The following PDE1A variants were observed in gnomAD, a reference collection of about 807,000 sequenced individuals.
PDE1A encodes dual specificity calcium/calmodulin-dependent 3',5'-cyclic nucleotide phosphodiesterase 1A.
Under a neutral mutation model 61.7 loss-of-function variants are expected in PDE1A, and 35 were observed. That is an observed-to-expected ratio of 0.57 (90% CI 0.43 to 0.75). The LOEUF (loss-of-function observed/expected upper bound fraction) is 0.75, where lower values mean the gene tolerates loss of function less well. Among genes scored for constraint, PDE1A ranks in the 30% least tolerant of loss-of-function variants. The pLI is 0.00. For missense variants in PDE1A, 597 were observed against 630.6 expected (o/e 0.95, Z 0.57); for synonymous variants, 232 against 213.2 (o/e 1.09, Z -0.77).
At chr2:182,283,107 C>T (rs1693920294) in intron 1 of PDE1A, among the ~76,000 whole-genome samples, 1 of 151,902 alleles carries the variant, frequency 6.6e-6, no homozygotes, top group Non-Finnish European at 1.5e-5. Flanking sequence ...ATTTTCTTTT[C>T]AAATCTTAAA....
chr2:182,455,593 T>C (rs1685858492), intron 2 of PDE1A, among the ~76,000 whole-genome samples: 1 of 152,146 alleles, frequency 6.6e-6, no homozygotes, highest in Admixed American at 6.6e-5. Flanking sequence ...AATGAAGAGT[T>C]CATTTCCTTT....
chr2:182,652,213 C>T, the PDE1A span, among the ~76,000 whole-genome samples: 1 of 152,148 alleles, frequency 6.6e-6, no homozygotes, highest in Non-Finnish European at 1.5e-5. Context: ...CCAATGTTTT[C>T]TCCTCACATA....
intron 13 of PDE1A, among the ~76,000 whole-genome samples, chr2:182,175,312 C>T (rs1398342943): frequency 1.3e-5 from 2 of 152,160 alleles, no homozygotes; most frequent in Non-Finnish European, 2.9e-5. Flanking sequence ...AGTGTAAAAG[C>T]ATTCCTATTT....
At chr2:182,371,122 T>C (rs1050031213) in intron 1 of PDE1A, among the ~76,000 whole-genome samples, 5 of 152,184 alleles carry the variant, frequency 3.3e-5, no homozygotes, top group African/African-American at 9.6e-5. Context: ...CTTAATGTCA[T>C]TTGATTCTAA....
downstream of PDE1A, among the ~76,000 whole-genome samples, chr2:182,143,305 C>T (rs569686211): frequency 1.3e-5 from 1 of 77,776 alleles, no homozygotes; most frequent in South Asian, 4.0e-4. Context: ...AGCCATTCCA[C>T]AATTTCAAAA....
intron 13 of PDE1A, among the ~76,000 whole-genome samples, chr2:182,171,969 C>G (rs749151340): frequency 3.9e-5 from 6 of 151,916 alleles, no homozygotes; most frequent in African/African-American, 9.7e-5. Context: ...TGAACTCTTG[C>G]ATGCATTACT....
At chr2:182,282,567 C>G (rs1348898754) in intron 1 of PDE1A, among the ~76,000 whole-genome samples, 2 of 151,930 alleles carry the variant, frequency 1.3e-5, no homozygotes, top group African/African-American at 4.8e-5. Context: ...TCAAACATCC[C>G]AATATTTGTA....
chr2:182,285,042 A>T (rs1241773119), intron 1 of PDE1A, among the ~76,000 whole-genome samples: 1 of 151,872 alleles, frequency 6.6e-6, no homozygotes, highest in Non-Finnish European at 1.5e-5. Context: ...GCATTCTTAT[A>T]CTCTTGTACT....
chr2:182,267,614 A>C (rs1692729196), intron 1 of PDE1A, among the ~76,000 whole-genome samples: 1 of 152,162 alleles, frequency 6.6e-6, no homozygotes, highest in African/African-American at 2.4e-5. Context: ...ATATTGTAAA[A>C]ATATTATTTA....
At chr2:182,543,416 C>T in the PDE1A span, among the ~76,000 whole-genome samples, 21 of 152,240 alleles carry the variant, frequency 1.4e-4, no homozygotes, top group South Asian at 2.3e-3. Context: ...ATTAGATAAA[C>T]CAGATTACAA....
chr2:182,478,128 CTTTT>C (rs754302252), intron 2 of PDE1A, among the ~76,000 whole-genome samples: 3 of 151,926 alleles, frequency 2.0e-5, no homozygotes, highest in Admixed American at 1.3e-4. Context: ...CATTGCTAAA[CTTTT>C]TTTGTTTCTT....
chr2:182,355,787 G>A (rs1386452585), intron 1 of PDE1A, among the ~76,000 whole-genome samples: 3 of 152,062 alleles, frequency 2.0e-5, no homozygotes, highest in Admixed American at 6.6e-5. Context: ...TTCCTTCAAT[G>A]TAATATTAAA....
chr2:182,426,663 C>A, exon 1 of PDE1A: 1 of 1,612,306 alleles, frequency 6.2e-7, no homozygotes, highest in Non-Finnish European at 8.5e-7. Flanking sequence ...TTCCTGGAAA[C>A]CACTCCAGAA....
In PDE1A at chr2:182,327,105, G is replaced by A. The variant is rs770040920; in HGVS notation, c.54-62691C>T. ...TCTTCTAGGTCCTGGGGACACTATG[G>A]TATATAAAACAAAGTTCCTGTTTTA... On this transcript the variant is annotated intron_variant, in intron 1 of 13. Coordinates refer to ENST00000351439, the Ensembl canonical transcript of PDE1A. Among the ~76,000 whole-genome samples, 21 of 152,242 alleles carry A rather than the reference G, an allele frequency of 1.4e-4. No homozygotes were observed. The East Asian group carries it at 2.7e-3, about 20-fold the overall frequency.
chr2:182,492,554 C>G (rs1261678730), intron 2 of PDE1A, among the ~76,000 whole-genome samples: 1 of 141,722 alleles, frequency 7.1e-6, no homozygotes, highest in Middle Eastern at 3.4e-3. Context: ...TAGCTCCAAC[C>G]TATTGATGAA....
intron 2 of PDE1A, among the ~76,000 whole-genome samples, chr2:182,511,290 G>C (rs901516396): frequency 5.3e-5 from 8 of 151,922 alleles, no homozygotes; most frequent in Non-Finnish European, 1.2e-4. Flanking sequence ...ATCTTCAGAA[G>C]GGCATTGAGA....
chr2:182,323,772 G>C (rs1176586591), intron 1 of PDE1A, among the ~76,000 whole-genome samples: 2 of 152,044 alleles, frequency 1.3e-5, no homozygotes, highest in African/African-American at 4.8e-5. Context: ...CACGAACTCT[G>C]AGGCACCCTG....
At chr2:182,665,777 T>C in the PDE1A span, among the ~76,000 whole-genome samples, 4 of 152,208 alleles carry the variant, frequency 2.6e-5, no homozygotes, top group African/African-American at 9.7e-5. Context: ...ATATGTTTAT[T>C]GCAGCACTAT....
intron 1 of PDE1A, among the ~76,000 whole-genome samples, chr2:182,373,195 T>G (rs578144444): frequency 6.6e-6 from 1 of 152,310 alleles, no homozygotes; most frequent in East Asian, 1.9e-4. Context: ...AACACTGCAT[T>G]ATAATAATGG....
Sources: allele counts gnomAD v4.1 joint callset (sites outside exome capture counted in the v4.1 genomes callset), GRCh38; gene constraint gnomAD v4.1.1; transcripts MANE v1.5; gene names NCBI Gene and HGNC (gene_info 2026-07-23, HGNC 2026-07-21).